TM9SF3: variants seen among roughly 807,000 people sequenced by gnomAD.
TM9SF3 encodes SM-11044-binding protein.
In TM9SF3, 14 loss-of-function variants were observed where a neutral mutation model predicts 78.6. That is an observed-to-expected ratio of 0.18 (90% CI 0.12 to 0.28). The LOEUF (loss-of-function observed/expected upper bound fraction) is 0.28. Ranked by LOEUF, TM9SF3 falls within the 10% of genes least tolerant of loss-of-function variation. The pLI is 1.00. For synonymous variants in TM9SF3, 231 were observed against 241.7 expected (o/e 0.96, Z 0.41); for missense variants, 496 against 721.9 (o/e 0.69, Z 3.59).
At chr10:96,544,007 G>A in intron 9 of TM9SF3, 69 bp downstream of exon 9, 3 of 1,481,638 alleles carry the variant, frequency 2.0e-6, no homozygotes, top group Non-Finnish European at 2.7e-6. Context: ...AAGTATTTTG[G>A]AGGGTGAGTA....
rs1336327051 is a variant in TM9SF3 at position 96,553,012 on chromosome 10, C to T, written c.708G>A (p.Leu236=). The part of the protein sequence containing the change: ...IFNSFMMVIF[L]VGLVSMILMR... ...TTAAAATCATTGAAACTAAGCCCAC[C>T]AAGAAGATCACCATCATGAAGGAGT... The change falls in exon 6 of 15, where the codon TTG becomes TTA. Residue 236 remains leucine, a synonymous_variant. Coordinates refer to ENST00000371142, the MANE Select transcript of TM9SF3 (RefSeq NM_020123.4). The T allele has an allele frequency of 6.2e-7, 1 of 1,605,232 alleles. No homozygotes were observed. The highest frequency in any genetic ancestry group is 8.5e-7 in the Non-Finnish European group (1 of 1,177,348).
At chr10:96,533,338 T>C in intron 9 of TM9SF3, 148 bp from the exon 10 acceptor site, 1 of 962,420 alleles carries the variant, frequency 1.0e-6, no homozygotes, top group Admixed American at 2.9e-5. Context: ...AGTACACTAA[T>C]GAAAACAAAA....
At chr10:96,540,310 T>C (rs1412808334) in intron 9 of TM9SF3, among the ~76,000 whole-genome samples, 2 of 152,184 alleles carry the variant, frequency 1.3e-5, no homozygotes, top group Non-Finnish European at 1.5e-5. Flanking sequence ...TCTTATAAGG[T>C]AGAACCCACT....
intron 1 of TM9SF3, among the ~76,000 whole-genome samples, chr10:96,583,833 A>G (rs1032540720): frequency 5.9e-5 from 9 of 152,208 alleles, no homozygotes; most frequent in African/African-American, 1.9e-4. Context: ...CAGGAGTTCA[A>G]GACCAGCCTG....
At chr10:96,545,965 CA>C (rs1350258259) in intron 8 of TM9SF3, among the ~76,000 whole-genome samples, 4 of 152,234 alleles carry the variant, frequency 2.6e-5, no homozygotes, top group Non-Finnish European at 5.9e-5. Flanking sequence ...TTCTAACAGT[CA>C]AAAAGAATCC....
intron 9 of TM9SF3, among the ~76,000 whole-genome samples, chr10:96,539,027 A>T (rs1847991441): frequency 6.6e-6 from 1 of 152,242 alleles, no homozygotes; most frequent in Admixed American, 6.5e-5. Flanking sequence ...AGAGAAATGA[A>T]AACATAAGTC....
At chr10:96,546,771 G>A (rs1230235953) in intron 8 of TM9SF3, among the ~76,000 whole-genome samples, 1 of 152,080 alleles carries the variant, frequency 6.6e-6, no homozygotes, top group African/African-American at 2.4e-5. Context: ...ATAATCCTAC[G>A]CTCCGATTTC....
chr10:96,562,756 A>T (rs1263955106), intron 3 of TM9SF3, among the ~76,000 whole-genome samples: 9 of 152,192 alleles, frequency 5.9e-5, no homozygotes, highest in Admixed American at 5.9e-4. Flanking sequence ...CTTCAATCAT[A>T]ATTTGGGATA....
chr10:96,531,810 G>A (rs1434452722), intron 10 of TM9SF3, among the ~76,000 whole-genome samples: 1 of 152,106 alleles, frequency 6.6e-6, no homozygotes, highest in African/African-American at 2.4e-5. Context: ...GTGACTTAGA[G>A]GAACTTTTGT....
chr10:96,570,986 G>A (rs942437919), intron 2 of TM9SF3, among the ~76,000 whole-genome samples: 3 of 152,104 alleles, frequency 2.0e-5, no homozygotes, highest in Non-Finnish European at 2.9e-5. Flanking sequence ...TGATCCACCC[G>A]CCTCGGCTTC....
chr10:96,524,704 AC>A (rs1021128038), intron 14 of TM9SF3, among the ~76,000 whole-genome samples: 1 of 151,792 alleles, frequency 6.6e-6, no homozygotes, highest in Non-Finnish European at 1.5e-5. Flanking sequence ...ATAATATCCC[AC>A]CTTAATGTAG....
intron 1 of TM9SF3, among the ~76,000 whole-genome samples, chr10:96,582,883 C>T (rs530653214): frequency 6.6e-6 from 1 of 151,830 alleles, no homozygotes; most frequent in East Asian, 1.9e-4. Flanking sequence ...AGTTCAAGAC[C>T]AGCTGACCAA....
intron 2 of TM9SF3, 156 bp downstream of exon 2, chr10:96,576,478 G>C (rs1361116435): frequency 1.7e-6 from 1 of 584,172 alleles, no homozygotes; most frequent in Non-Finnish European, 2.6e-6. Flanking sequence ...CTGGCATCTG[G>C]GGGGTACAGG....
Position 96,576,717 on chromosome 10 carries a change from C to CT in TM9SF3, c.214dup (p.Ser72LysfsTer7), listed in dbSNP as rs760930120. ...CAGAGTTTCATGGTAATGACTGATA[C>CT]TTTTTTTTGACCCCACACAGAATGG... On this transcript the variant is annotated frameshift_variant, in exon 2 of 15. Coordinates refer to ENST00000371142, the MANE Select transcript of TM9SF3 (RefSeq NM_020123.4). LOFTEE classifies it high-confidence loss of function. 12 of 1,608,294 alleles carry CT rather than the reference C, an allele frequency of 7.5e-6. No individual in the cohort carries two copies. Among genetic ancestry groups the CT allele is most frequent in the Admixed American group, 6.7e-5 (4 of 59,262 alleles).
At chr10:96,558,712 T>G (rs1564935483) in intron 5 of TM9SF3, among the ~76,000 whole-genome samples, 1 of 151,150 alleles carries the variant, frequency 6.6e-6, no homozygotes, top group Admixed American at 6.6e-5. Flanking sequence ...CTGAGTAAGA[T>G]CAGAAGTAGT....
chr10:96,560,605 G>T, intron 4 of TM9SF3: 1 of 664,980 alleles, frequency 1.5e-6, no homozygotes, highest in South Asian at 1.4e-5. Context: ...TCTGGAAAGT[G>T]ATCTGTCCCT....
intron 5 of TM9SF3, among the ~76,000 whole-genome samples, chr10:96,558,561 G>A (rs959486170): frequency 7.9e-5 from 12 of 151,490 alleles, no homozygotes; most frequent in African/African-American, 2.9e-4. Context: ...CAGGAGAATC[G>A]CTTGAACCAA....
At chr10:96,542,695 G>A (rs1848048786) in intron 9 of TM9SF3, among the ~76,000 whole-genome samples, 1 of 151,502 alleles carries the variant, frequency 6.6e-6, no homozygotes, top group Admixed American at 6.6e-5. Context: ...CTTTCTGATG[G>A]CCTGGAACTA....
intron 1 of TM9SF3, among the ~76,000 whole-genome samples, 196 bp downstream of exon 1, chr10:96,586,517 ACCCTGTCACTCGGGAGCGGAG>A (rs1848632039): frequency 6.6e-6 from 1 of 150,978 alleles, no homozygotes. Flanking sequence ...GGGGAAGGAG[ACCCTGTCACTCGGGAGCGGAG>A]CCCTGTCCCG....
Sources: allele counts gnomAD v4.1 joint callset (sites outside exome capture counted in the v4.1 genomes callset), GRCh38; gene constraint gnomAD v4.1.1; transcripts MANE v1.5; gene names NCBI Gene and HGNC (gene_info 2026-07-23, HGNC 2026-07-21).